CTNNA3: variants seen among roughly 807,000 people sequenced by gnomAD.
CTNNA3 encodes catenin alpha-3.
Under a neutral mutation model 95.7 loss-of-function variants are expected in CTNNA3, and 76 were observed. That is an observed-to-expected ratio of 0.79 (90% CI 0.66 to 0.96). The LOEUF (loss-of-function observed/expected upper bound fraction) is 0.96, where lower values mean the gene tolerates loss of function less well. Among genes scored for constraint, CTNNA3 ranks in the 40% least tolerant of loss-of-function variants. The probability of loss-of-function intolerance (pLI) is 0.00; values close to 1 mark genes in which losing one functional copy is unlikely to be tolerated. For missense variants in CTNNA3, 1,191 were observed against 1,089.8 expected, an observed-to-expected ratio of 1.09 and a Z score of -1.31; for synonymous variants, 431 against 374.4, an observed-to-expected ratio of 1.15 and a Z score of -1.74.
chr10:67,328,704 C>T (rs1222048236), intron 5 of CTNNA3, among the ~76,000 whole-genome samples: 1 of 152,224 alleles, frequency 6.6e-6, no homozygotes, highest in Admixed American at 6.5e-5. Context: ...AGCCCAGCTT[C>T]TGCGTCTTCC....
chr10:67,116,516 A>G (rs1395163865), intron 7 of CTNNA3, among the ~76,000 whole-genome samples: 2 of 151,794 alleles, frequency 1.3e-5, no homozygotes, highest in Admixed American at 1.3e-4. Context: ...GGCCCTTCTC[A>G]TATGTAGAAT....
At chr10:67,636,923 G>A (rs547611861) in intron 2 of CTNNA3, among the ~76,000 whole-genome samples, 1 of 152,286 alleles carries the variant, frequency 6.6e-6, no homozygotes, top group Admixed American at 6.5e-5. Context: ...AAAAAACAGA[G>A]CAGAAAAACT....
chr10:67,660,376 C>T (rs1183614917), intron 1 of CTNNA3, among the ~76,000 whole-genome samples: 1 of 152,052 alleles, frequency 6.6e-6, no homozygotes, highest in Admixed American at 6.6e-5. Flanking sequence ...AAGCAAGCAA[C>T]AAAACATTAG....
chr10:67,191,111 A>G (rs1169919021), intron 6 of CTNNA3, among the ~76,000 whole-genome samples: 1 of 152,088 alleles, frequency 6.6e-6, no homozygotes, highest in Admixed American at 6.6e-5. Context: ...ATGTGGAGTA[A>G]TAAAAACTCT....
At chr10:67,046,504 G>T (rs1854753127) in intron 7 of CTNNA3, among the ~76,000 whole-genome samples, 1 of 152,116 alleles carries the variant, frequency 6.6e-6, no homozygotes, top group South Asian at 2.1e-4. Flanking sequence ...AGAACAAGGG[G>T]ATTCCTGGAA....
intron 7 of CTNNA3, among the ~76,000 whole-genome samples, chr10:67,106,419 T>C (rs1175980569): frequency 6.6e-6 from 1 of 152,206 alleles, no homozygotes; most frequent in East Asian, 1.9e-4. Context: ...TGTTCTGTAA[T>C]TACCAAAAAG....
chr10:67,330,833 G>A (rs577734947), intron 5 of CTNNA3, among the ~76,000 whole-genome samples: 2 of 152,240 alleles, frequency 1.3e-5, no homozygotes, highest in East Asian at 3.9e-4. Context: ...CCAAAGAGAA[G>A]TAAAATACGG....
At chr10:66,961,413 A>G (rs929600006) in intron 7 of CTNNA3, among the ~76,000 whole-genome samples, 1 of 152,102 alleles carries the variant, frequency 6.6e-6, no homozygotes. Context: ...AGTTGATCAC[A>G]TTCTCCTTCT....
chr10:67,468,239 A>G (rs1167836696), intron 5 of CTNNA3, among the ~76,000 whole-genome samples: 2 of 151,954 alleles, frequency 1.3e-5, no homozygotes, highest in Non-Finnish European at 2.9e-5. Flanking sequence ...TTAATAAAGT[A>G]GGGAATAGGC....
intron 1 of CTNNA3, among the ~76,000 whole-genome samples, chr10:67,762,864 G>A (rs947021763): frequency 3.9e-5 from 6 of 151,978 alleles, no homozygotes; most frequent in African/African-American, 1.5e-4. Context: ...TCTAATTACC[G>A]GTGCATGCAG....
rs186830275 is a variant in CTNNA3, at chr10:67,733,598, C to T, written c.-2+29836G>A. ...ATACTCACCACTTAGCTGGATTCAC[C>T]ATCCTTAGAAAATAGTTTAGCAACA... is the stretch of plus-strand genomic sequence containing the variant. On this transcript the variant is annotated intron_variant, in intron 1 of 17. Coordinates refer to the CTNNA3 transcript ENST00000684154. Among the ~76,000 whole-genome samples, 279 of 152,298 alleles carry T rather than the reference C, an allele frequency of 1.8e-3. 3 individuals are homozygous for T. Among genetic ancestry groups the T allele is most frequent in the Middle Eastern group, 0.017 (5 of 294 alleles).
At chr10:66,435,058 T>C (rs2093327235) in intron 11 of CTNNA3, among the ~76,000 whole-genome samples, 1 of 152,174 alleles carries the variant, frequency 6.6e-6, no homozygotes, top group South Asian at 2.1e-4. Context: ...AGTATTTTAT[T>C]GAGAATTTTC....
At chr10:67,155,240 C>T (rs1386297863) in intron 7 of CTNNA3, among the ~76,000 whole-genome samples, 3 of 152,124 alleles carry the variant, frequency 2.0e-5, no homozygotes. Flanking sequence ...AATGAATTAA[C>T]TGGATACTAA....
At chr10:65,932,590 T>A (rs1487536419) in intron 17 of CTNNA3, among the ~76,000 whole-genome samples, 1 of 152,170 alleles carries the variant, frequency 6.6e-6, no homozygotes, top group Non-Finnish European at 1.5e-5. Context: ...CAAATCGCCG[T>A]AACTCCAAAG....
intron 7 of CTNNA3, among the ~76,000 whole-genome samples, chr10:66,884,859 G>A (rs1196336376): frequency 8.5e-5 from 13 of 152,114 alleles, no homozygotes; most frequent in Admixed American, 1.3e-4. Flanking sequence ...GGGGATACCC[G>A]TGTGGTAGTA....
At chr10:67,468,051 G>C (rs1847669445) in intron 5 of CTNNA3, among the ~76,000 whole-genome samples, 1 of 151,242 alleles carries the variant, frequency 6.6e-6, no homozygotes, top group African/African-American at 2.4e-5. Context: ...AAGTTCAGAG[G>C]TACACACGTG....
intron 1 of CTNNA3, among the ~76,000 whole-genome samples, chr10:67,733,562 G>C (rs1357559821): frequency 5.9e-5 from 9 of 152,060 alleles, no homozygotes. Flanking sequence ...AATCACTTCT[G>C]GCCCTAAATT....
At chr10:66,381,357 G>A (rs1374973084) in intron 11 of CTNNA3, among the ~76,000 whole-genome samples, 1 of 152,104 alleles carries the variant, frequency 6.6e-6, no homozygotes, top group African/African-American at 2.4e-5. Context: ...TTTGTTCCAT[G>A]TTGTTTAGGA....
chr10:66,537,611 T>C (rs1363400568), intron 10 of CTNNA3, among the ~76,000 whole-genome samples: 1 of 149,704 alleles, frequency 6.7e-6, no homozygotes, highest in Non-Finnish European at 1.5e-5. Flanking sequence ...TTTTAATTTA[T>C]ATTTTATATT....
Sources: gnomAD v4.1 joint callset for allele counts (sites outside exome capture counted in the v4.1 genomes callset) on GRCh38, gnomAD v4.1.1 for gene constraint, MANE v1.5 for transcripts, NCBI Gene and HGNC (gene_info 2026-07-23, HGNC 2026-07-21) for gene names.